The following PTPRO variants were observed in gnomAD, a reference collection of about 807,000 sequenced individuals.
The protein encoded by PTPRO is receptor-type tyrosine-protein phosphatase O.
A neutral mutation model predicts 145.2 loss-of-function variants in PTPRO; 62 were observed. The observed-to-expected ratio is 0.43, with a 90% CI of 0.35 to 0.53. The LOEUF is 0.53. PTPRO is among the 20% of genes least tolerant of loss of function. The probability of loss-of-function intolerance (pLI) is 0.01; values close to 1 mark genes in which losing one functional copy is unlikely to be tolerated. For missense variants in PTPRO, 1,345 were observed against 1,482.7 expected (o/e 0.91, Z 1.53); for synonymous variants, 565 against 514.7 (o/e 1.10, Z -1.32).
intron 1 of PTPRO, chr12:15,440,357 A>G (rs935416494): frequency 4.8e-6 from 2 of 413,900 alleles, no homozygotes; most frequent in Non-Finnish European, 8.8e-6. Flanking sequence ...GACCCACACC[A>G]GAGTCTCCAT....
At chr12:15,433,022 C>T (rs1485211232) in intron 1 of PTPRO, among the ~76,000 whole-genome samples, 1 of 151,972 alleles carries the variant, frequency 6.6e-6, no homozygotes, top group African/African-American at 2.4e-5. Flanking sequence ...TTTTGCTGTG[C>T]AGACACTCTT....
chr12:15,441,552 G>T (rs1940764947), intron 1 of PTPRO, among the ~76,000 whole-genome samples: 1 of 151,960 alleles, frequency 6.6e-6, no homozygotes, highest in African/African-American at 2.4e-5. Flanking sequence ...TTCATACAAA[G>T]TATCAACAAA....
intron 1 of PTPRO, among the ~76,000 whole-genome samples, chr12:15,483,010 T>C (rs371386806): frequency 1.3e-5 from 2 of 152,150 alleles, no homozygotes; most frequent in East Asian, 1.9e-4. Flanking sequence ...TTTTTATATA[T>C]GGAGCGCCTG....
chr12:15,463,426 G>A (rs1172911365), intron 1 of PTPRO, among the ~76,000 whole-genome samples: 2 of 152,054 alleles, frequency 1.3e-5, no homozygotes, highest in Non-Finnish European at 2.9e-5. Context: ...ATTTTTTTAA[G>A]AATGCATTCT....
chr12:15,404,982 C>T (rs934105893), intron 1 of PTPRO, among the ~76,000 whole-genome samples: 6 of 152,118 alleles, frequency 3.9e-5, no homozygotes, highest in Non-Finnish European at 5.9e-5. Context: ...TGCTGTGTCT[C>T]ACATGTGCAG....
chr12:15,512,718 G>T (rs1386877202), intron 7 of PTPRO, among the ~76,000 whole-genome samples: 1 of 152,150 alleles, frequency 6.6e-6, no homozygotes, highest in African/African-American at 2.4e-5. Context: ...ATCAGGCCAG[G>T]CACGGCGGTT....
chr12:15,499,644 T>A lies in PTPRO; in HGVS notation c.661+50T>A, dbSNP rs963573439. ...CAGTGAAAAAATAATTCAGTTATAT[T>A]TTGCTGTACATTTATTTTTTATCCT... On this transcript the variant is annotated intron_variant, in intron 4 of 26. Transcript: ENST00000281171. 3 of 1,562,860 alleles carry A rather than the reference T, an allele frequency of 1.9e-6. No homozygotes were observed. The Admixed American group carries it at 5.0e-5, about 26-fold the overall frequency.
At chr12:15,562,118 T>G (rs1281400393) in intron 17 of PTPRO, among the ~76,000 whole-genome samples, 1 of 152,118 alleles carries the variant, frequency 6.6e-6, no homozygotes, top group Non-Finnish European at 1.5e-5. Context: ...TTCTGTAACT[T>G]CAGTAAATTT....
chr12:15,478,025 G>A lies in PTPRO; in HGVS notation c.76-5949G>A, dbSNP rs1023531215. Among the ~76,000 whole-genome samples, 4 of 152,144 alleles carry A rather than the reference G, an allele frequency of 2.6e-5. No individual in the cohort carries two copies. The South Asian group carries it at 8.3e-4, about 31-fold the overall frequency. ...GACAACCATGACTCAGCTGCTCTGT[G>A]TTTCTGATGGCCAAGAAAATTGTTC... On this transcript the variant is annotated intron_variant, in intron 1 of 26. Coordinates refer to ENST00000281171, the MANE Select transcript of PTPRO (RefSeq NM_030667.3).
At chr12:15,575,343 C>T (rs949453400) in intron 19 of PTPRO, among the ~76,000 whole-genome samples, 2 of 152,148 alleles carry the variant, frequency 1.3e-5, no homozygotes, top group South Asian at 2.1e-4. Context: ...GTGAACTTCC[C>T]GAGGCTCCAC....
At chr12:15,479,613 C>T (rs1347363346) in intron 1 of PTPRO, among the ~76,000 whole-genome samples, 1 of 152,188 alleles carries the variant, frequency 6.6e-6, no homozygotes, top group Non-Finnish European at 1.5e-5. Flanking sequence ...AGAGCATTTG[C>T]TCTCCTAAAA....
At chr12:15,523,658 C>A (rs536944193) in intron 10 of PTPRO, among the ~76,000 whole-genome samples, 90 of 152,200 alleles carry the variant, frequency 5.9e-4, no homozygotes, top group African/African-American at 2.2e-3. Flanking sequence ...ACCTGTAGTC[C>A]TAGCTACTTG....
rs550810003 is a variant in PTPRO at position 15,394,985 on chromosome 12, A to G, written c.75+72184A>G. Among the ~76,000 whole-genome samples the G allele has an allele frequency of 2.0e-5, 3 of 152,332 alleles. No homozygotes were observed. In the East Asian group the frequency reaches 5.8e-4, roughly 29 times the overall value. On this transcript the variant is annotated intron_variant, in intron 1 of 26. Transcript: ENST00000281171. ...TACTATTTAAAAAGGCGGCAAAGAAAAACACTCAGCAAAAGGGACAGAGGA... is the reference window on the plus strand; with the variant it reads ...TACTATTTAAAAAGGCGGCAAAGAAGAACACTCAGCAAAAGGGACAGAGGA...
At chr12:15,486,027 G>A (rs1941879100) in intron 2 of PTPRO, among the ~76,000 whole-genome samples, 1 of 152,094 alleles carries the variant, frequency 6.6e-6, no homozygotes, top group Admixed American at 6.6e-5. Context: ...AGCACTTCCA[G>A]GGTGAAGTTT....
intron 1 of PTPRO, among the ~76,000 whole-genome samples, chr12:15,370,418 G>A (rs926312366): frequency 6.6e-6 from 1 of 152,114 alleles, no homozygotes; most frequent in Non-Finnish European, 1.5e-5. Flanking sequence ...AGTCATAATT[G>A]CAAATTAAAA....
chr12:15,567,822 A>T (rs1451783565), intron 18 of PTPRO, among the ~76,000 whole-genome samples: 1 of 152,122 alleles, frequency 6.6e-6, no homozygotes, highest in Non-Finnish European at 1.5e-5. Context: ...CTTAGTAGAC[A>T]TGTGATGTTG....
At chr12:15,564,929 T>C (rs1428485381) in intron 17 of PTPRO, among the ~76,000 whole-genome samples, 1 of 152,206 alleles carries the variant, frequency 6.6e-6, no homozygotes, top group Non-Finnish European at 1.5e-5. Flanking sequence ...ATTACCTTAA[T>C]TATCTCCTAA....
In PTPRO at chr12:15,596,599, A is replaced by T. The variant is rs1307179604; in HGVS notation, c.*526A>T. ...GAAATGGTCATTCTACTTCAAAGAA[A>T]TTGAGCCAGCACTATCTGTACTCCA... On this transcript the variant is annotated 3_prime_UTR_variant, in exon 27 of 27. Transcript: ENST00000281171. The T allele has an allele frequency of 6.6e-6, 1 of 152,560 alleles. No homozygotes were observed. The highest frequency in any genetic ancestry group is 1.5e-5 in the Non-Finnish European group (1 of 68,032). The allele number at this position is 152,560 out of a possible 1,614,324, so 9.5% of individuals were successfully genotyped here. A position where few individuals can be genotyped will look rare whatever the true frequency, so the allele number is the denominator to read the frequency against.
chr12:15,579,923 T>C (rs895881933), intron 20 of PTPRO, 116 bp from the exon 21 acceptor site: 1 of 790,696 alleles, frequency 1.3e-6, no homozygotes, highest in African/African-American at 1.7e-5. Flanking sequence ...AGGCTAAAAA[T>C]TATTATCTGC....
Sources: allele counts gnomAD v4.1 joint callset (sites outside exome capture counted in the v4.1 genomes callset), GRCh38; gene constraint gnomAD v4.1.1; transcripts MANE v1.5; gene names NCBI Gene and HGNC (gene_info 2026-07-23, HGNC 2026-07-21).